ANKRD44: variants seen among roughly 807,000 people sequenced by gnomAD.
The protein encoded by ANKRD44 is serine/threonine-protein phosphatase 6 regulatory ankyrin repeat subunit B.
In ANKRD44, 35 loss-of-function variants were observed where a neutral mutation model predicts 116.0. That is an observed-to-expected ratio of 0.30 (90% CI 0.23 to 0.40). The LOEUF is 0.40. ANKRD44 is among the 10% of genes least tolerant of loss of function. ANKRD44 has a pLI of 1.00. For synonymous variants in ANKRD44, 435 were observed against 461.8 expected, an observed-to-expected ratio of 0.94 and a Z score of 0.74; for missense variants, 1,014 against 1,242.6, an observed-to-expected ratio of 0.82 and a Z score of 2.77.
chr2:197,148,310 G>A (rs2079557788), intron 2 of ANKRD44, among the ~76,000 whole-genome samples: 1 of 152,122 alleles, frequency 6.6e-6, no homozygotes, highest in African/African-American at 2.4e-5. Flanking sequence ...AGCATACTTG[G>A]TGCTCAGCAT....
chr2:197,161,982 C>T (rs908564140), intron 2 of ANKRD44, among the ~76,000 whole-genome samples: 10 of 152,160 alleles, frequency 6.6e-5, no homozygotes, highest in Non-Finnish European at 1.5e-4. Flanking sequence ...CACCATGCTA[C>T]GGTCTCGTGA....
chr2:197,276,571 A>T (rs1457302545), intron 1 of ANKRD44, among the ~76,000 whole-genome samples: 1 of 152,172 alleles, frequency 6.6e-6, no homozygotes, highest in Non-Finnish European at 1.5e-5. Flanking sequence ...TAACTATTTC[A>T]TTAGGTCTTC....
chr2:197,190,165 T>C (rs775766389), intron 1 of ANKRD44, among the ~76,000 whole-genome samples: 4 of 152,166 alleles, frequency 2.6e-5, no homozygotes, highest in Non-Finnish European at 5.9e-5. Flanking sequence ...CATATATGCA[T>C]ACATATGCAC....
intron 16 of ANKRD44, among the ~76,000 whole-genome samples, chr2:197,070,083 G>A (rs1010748970): frequency 7.2e-5 from 11 of 151,960 alleles, no homozygotes; most frequent in South Asian, 2.1e-4. Flanking sequence ...ATTTTTATAC[G>A]TTTATCTCAT....
chr2:197,281,057 T>C (rs2083250332), intron 1 of ANKRD44, among the ~76,000 whole-genome samples: 1 of 152,194 alleles, frequency 6.6e-6, no homozygotes, highest in Non-Finnish European at 1.5e-5. Flanking sequence ...TCTGTTAACC[T>C]GCCAGAGTCC....
chr2:197,013,697 G>C lies in ANKRD44; in HGVS notation c.1738C>G (p.His580Asp). ...TGCAGAAGGACTTCCAAGGCTTGAT[G>C]GTGCCCATTGTAGGCCTGCAAAGAA... ...PLHLAAYNGH[H>D]QALEVLLQSL... Residue 580 changes from histidine (H) to aspartate (D), a missense_variant, in exon 18 of 28, where the codon CAT (histidine) becomes GAT (aspartate). By Grantham distance (81) the His-to-Asp change is moderately conservative. Transcript: ENST00000282272. 6.2e-7 allele frequency: 1 copy of C among 1,613,002 alleles called. No homozygotes were observed. Among genetic ancestry groups the C allele is most frequent in the Non-Finnish European group, 8.5e-7 (1 of 1,180,028 alleles).
chr2:197,156,838 C>CA (rs202061676), intron 2 of ANKRD44, among the ~76,000 whole-genome samples: 1 of 149,822 alleles, frequency 6.7e-6, no homozygotes, highest in East Asian at 1.9e-4. Context: ...ACAAGTCGGG[C>CA]AAAAAAAAAG....
intron 25 of ANKRD44, among the ~76,000 whole-genome samples, chr2:196,997,855 G>C (rs2076042330): frequency 1.3e-5 from 2 of 151,256 alleles, no homozygotes; most frequent in African/African-American, 4.9e-5. Context: ...CCAGAAAAAA[G>C]GGGGAAGGGT....
intron 1 of ANKRD44, among the ~76,000 whole-genome samples, chr2:197,269,135 T>C (rs1395894562): frequency 6.6e-6 from 1 of 152,202 alleles, no homozygotes; most frequent in African/African-American, 2.4e-5. Flanking sequence ...CATGAAGATA[T>C]ATACTTATTA....
chr2:197,247,807 T>C (rs1183482343), intron 1 of ANKRD44, among the ~76,000 whole-genome samples: 3 of 152,106 alleles, frequency 2.0e-5, no homozygotes, highest in Non-Finnish European at 2.9e-5. Context: ...TCCCCACACA[T>C]ACAGACTCTG....
At chr2:197,254,332 T>C (rs2082390773) in intron 1 of ANKRD44, among the ~76,000 whole-genome samples, 1 of 151,870 alleles carries the variant, frequency 6.6e-6, no homozygotes, top group African/African-American at 2.4e-5. Context: ...TGCAGTGAGC[T>C]GAGAAAGCGC....
intron 1 of ANKRD44, among the ~76,000 whole-genome samples, chr2:197,214,194 T>C (rs1343624696): frequency 6.6e-6 from 1 of 152,112 alleles, no homozygotes; most frequent in Non-Finnish European, 1.5e-5. Flanking sequence ...TGTTGGTTAT[T>C]ATAGAAAAAA....
At chr2:197,288,796 C>A (rs1454200170) in intron 1 of ANKRD44, among the ~76,000 whole-genome samples, 1 of 152,018 alleles carries the variant, frequency 6.6e-6, no homozygotes, top group Non-Finnish European at 1.5e-5. Context: ...ATAAGCCAGG[C>A]ACAGAAAGAC....
chr2:197,170,613 T>C (rs1199518705), intron 2 of ANKRD44, among the ~76,000 whole-genome samples: 2 of 152,226 alleles, frequency 1.3e-5, no homozygotes, highest in African/African-American at 4.8e-5. Context: ...AAATGCTTAA[T>C]GCTAAACACA....
chr2:197,005,559 A>G (rs951495889), intron 21 of ANKRD44, 135 bp downstream of exon 21: 10 of 824,480 alleles, frequency 1.2e-5, no homozygotes, highest in African/African-American at 1.7e-5. Context: ...CAAAATACAC[A>G]AAAAAGATAT....
At chr2:197,304,206 T>C (rs899582727) in intron 1 of ANKRD44, among the ~76,000 whole-genome samples, 1 of 152,074 alleles carries the variant, frequency 6.6e-6, no homozygotes, top group African/African-American at 2.4e-5. Context: ...CCCGGGAGTC[T>C]GAGGCTCAAG....
At chr2:197,293,750 T>C (rs2083637612) in intron 1 of ANKRD44, among the ~76,000 whole-genome samples, 1 of 152,150 alleles carries the variant, frequency 6.6e-6, no homozygotes, top group Non-Finnish European at 1.5e-5. Context: ...GATGAGGCAA[T>C]ATCCTTATGG....
chr2:197,309,811 C>G (rs180994502), intron 1 of ANKRD44, among the ~76,000 whole-genome samples: 1 of 152,158 alleles, frequency 6.6e-6, no homozygotes, highest in Non-Finnish European at 1.5e-5. Context: ...ATTCCACAGA[C>G]CTGCGGCGAG....
intron 9 of ANKRD44, among the ~76,000 whole-genome samples, 193 bp downstream of exon 9, chr2:197,110,572 GT>G (rs780379670): frequency 1.7e-4 from 26 of 152,082 alleles, no homozygotes; most frequent in Non-Finnish European, 3.1e-4. Flanking sequence ...GTGGCTTTAT[GT>G]TTTTACTATT....
Sources: allele counts gnomAD v4.1 joint callset (sites outside exome capture counted in the v4.1 genomes callset), GRCh38; gene constraint gnomAD v4.1.1; transcripts MANE v1.5; gene names NCBI Gene and HGNC (gene_info 2026-07-23, HGNC 2026-07-21).